FBXO11: variants seen among roughly 807,000 people sequenced by gnomAD.
FBXO11 encodes the protein F-box only protein 11.
Under a neutral mutation model 117.0 loss-of-function variants are expected in FBXO11, and 13 were observed. The observed-to-expected ratio is 0.11, with a 90% CI of 0.07 to 0.18. The LOEUF is 0.18. Ranked by LOEUF, FBXO11 falls within the 10% of genes least tolerant of loss-of-function variation. The pLI, the probability that FBXO11 is intolerant of heterozygous loss-of-function variation, is 1.00. For missense variants in FBXO11, 767 were observed against 1,164.4 expected, an observed-to-expected ratio of 0.66 and a Z score of 4.97; for synonymous variants, 490 against 380.5, an observed-to-expected ratio of 1.29 and a Z score of -3.35.
Position 47,905,671 on chromosome 2 carries a change from G to T in FBXO11, c.50C>A (p.Pro17Gln). 6.6e-7 allele frequency: 1 copy of T among 1,506,076 alleles called. No individual in the cohort carries two copies. The highest frequency in any genetic ancestry group is 8.9e-7 in the Non-Finnish European group (1 of 1,129,640). The allele number at this position is 1,506,076 out of a possible 1,614,324, so 93.3% of individuals were successfully genotyped here. ...ANRRPRRVSR[P>Q]RPVQQQQQQP... Reference sequence around the variant, plus strand: ...CTGCTGCTGTTGCTGCACCGGGCGCGGCCGCGACACTCGCCTGGGTCTCCG... The same window carrying T: ...CTGCTGCTGTTGCTGCACCGGGCGCTGCCGCGACACTCGCCTGGGTCTCCG... Residue 17 changes from proline (P) to glutamine (Q), a missense_variant, in exon 1 of 23, where the codon CCG becomes CAG. Transcript: ENST00000403359.
At chr2:47,819,189 C>G (rs1177103308) in intron 14 of FBXO11, 111 bp from the exon 15 acceptor site, 1 of 981,352 alleles carries the variant, frequency 1.0e-6, no homozygotes, top group African/African-American at 1.6e-5. Flanking sequence ...GTTTTTTCAT[C>G]CGAGTAAGGA....
intron 14 of FBXO11, among the ~76,000 whole-genome samples, chr2:47,819,865 T>C (rs959146431): frequency 2.6e-5 from 4 of 152,250 alleles, no homozygotes; most frequent in Admixed American, 2.6e-4. Flanking sequence ...TGAAATTTCC[T>C]ACATTTTCTT....
At chr2:47,835,597 A>G (rs1417309303) in intron 5 of FBXO11, among the ~76,000 whole-genome samples, 1 of 152,012 alleles carries the variant, frequency 6.6e-6, no homozygotes, top group African/African-American at 2.4e-5. Flanking sequence ...TCCTGGGTTC[A>G]AGTGATTCTC....
chr2:47,815,716 CAT>C lies in FBXO11; in HGVS notation c.2007-1851_2007-1850del, dbSNP rs367936787. 2.4e-3 allele frequency among the ~76,000 whole-genome samples: 359 copies of C among 152,286 alleles called. 2 individuals are homozygous for C. Among genetic ancestry groups the C allele is most frequent in the African/African-American group, 8.1e-3 (335 of 41,566 alleles). On this transcript the variant is annotated intron_variant, in intron 16 of 22. Coordinates refer to ENST00000403359, the MANE Select transcript of FBXO11 (RefSeq NM_001190274.2). ...GAAGAACCTCTTCAAAGCTGAAATT[CAT>C]AGAGTTCTTCAGCTGAGGGCGTAAG...
chr2:47,879,752 C>T (rs1392458313), intron 1 of FBXO11, among the ~76,000 whole-genome samples: 2 of 152,172 alleles, frequency 1.3e-5, no homozygotes, highest in African/African-American at 4.8e-5. Flanking sequence ...AACTCTATAT[C>T]CACTGAACAA....
chr2:47,882,465 C>G (rs1321735688), intron 1 of FBXO11, among the ~76,000 whole-genome samples: 4 of 152,148 alleles, frequency 2.6e-5, no homozygotes, highest in Non-Finnish European at 4.4e-5. Flanking sequence ...TTTTTAACCA[C>G]TTGTTCTACT....
intron 4 of FBXO11, among the ~76,000 whole-genome samples, chr2:47,837,690 A>G (rs964888190): frequency 1.3e-5 from 2 of 152,174 alleles, no homozygotes; most frequent in African/African-American, 2.4e-5. Flanking sequence ...TCTACAGATC[A>G]TTTATTATAG....
At chr2:47,851,756 T>C (rs866429012) in intron 1 of FBXO11, among the ~76,000 whole-genome samples, 1 of 152,228 alleles carries the variant, frequency 6.6e-6, no homozygotes, top group Non-Finnish European at 1.5e-5. Flanking sequence ...TCACATAATA[T>C]TTAGAAATTT....
intron 13 of FBXO11, among the ~76,000 whole-genome samples, chr2:47,820,903 C>G (rs532276143): frequency 3.3e-5 from 5 of 152,272 alleles, no homozygotes; most frequent in African/African-American, 1.2e-4. Flanking sequence ...TTAGAGTTAC[C>G]AGAAGCGAAA....
At chr2:47,886,273 G>A (rs890847665) in intron 1 of FBXO11, among the ~76,000 whole-genome samples, 13 of 152,074 alleles carry the variant, frequency 8.5e-5, no homozygotes, top group African/African-American at 1.9e-4. Context: ...TTGGGAGGCC[G>A]AGGCAGGCAG....
intron 1 of FBXO11, among the ~76,000 whole-genome samples, chr2:47,875,691 T>A (rs1376954443): frequency 6.6e-6 from 1 of 152,152 alleles, no homozygotes; most frequent in East Asian, 1.9e-4. Flanking sequence ...AATTTTCTCT[T>A]TGTTCTTTGG....
In FBXO11 at chr2:47,906,017, G is replaced by A. The variant is rs567383952; in HGVS notation, c.-297C>T. 2.0e-5 allele frequency: 6 copies of A among 303,278 alleles called. No homozygotes were observed. Among genetic ancestry groups the A allele is most frequent in the African/African-American group, 1.1e-4 (5 of 45,110 alleles). 18.8% of individuals were successfully genotyped at this position (303,278 alleles called of 1,614,324 possible). ...ACGAAGGCAGAAAGACGGGCAGACC[G>A]AGAGAAAGAAAGAAAGGGCGTCCGC... On this transcript the variant is annotated 5_prime_UTR_variant, in exon 1 of 23. Transcript: ENST00000403359.
rs1678716247 is a variant in FBXO11 at position 47,905,495 on chromosome 2, C to G, written c.226G>C (p.Glu76Gln). ...GGAGGTAGCGCGGCCTTACCCCGCT[C>G]GCCGACGTTGTTCCGCTCCTGAGGC... is the stretch of plus-strand genomic sequence containing the variant. ...PLPQERNNVG[E>Q]RDDDVPADMV... The change falls in exon 1 of 23, where the codon GAG becomes CAG. Residue 76 changes from glutamate (E) to glutamine (Q), a missense_variant. Transcript: ENST00000403359. 1 of 1,230,358 alleles carries G rather than the reference C, an allele frequency of 8.1e-7. No individual in the cohort carries two copies. Among genetic ancestry groups the G allele is most frequent in the Non-Finnish European group, 1.0e-6 (1 of 987,392 alleles). 76.2% of individuals were successfully genotyped at this position (1,230,358 alleles called of 1,614,324 possible).
intron 1 of FBXO11, among the ~76,000 whole-genome samples, chr2:47,902,774 T>C (rs922039780): frequency 1.3e-5 from 2 of 152,148 alleles, no homozygotes; most frequent in African/African-American, 4.8e-5. Flanking sequence ...ACAAATGATT[T>C]TATATACAGT....
Position 47,861,188 on chromosome 2 carries a change from G to A in FBXO11, c.233-21419C>T, listed in dbSNP as rs569976250. Reference sequence around the variant, plus strand: ...AAGTCTTAAACTGGGAAGTGTAGCCGTCCTCAAACTTAGTTGTACACTGTG... The same window carrying A: ...AAGTCTTAAACTGGGAAGTGTAGCCATCCTCAAACTTAGTTGTACACTGTG... On this transcript the variant is annotated intron_variant, in intron 1 of 22. Coordinates refer to ENST00000403359, the MANE Select transcript of FBXO11 (RefSeq NM_001190274.2). Among the ~76,000 whole-genome samples, 42 of 152,112 alleles carry A rather than the reference G, an allele frequency of 2.8e-4. No individual in the cohort carries two copies. The South Asian group carries it at 6.0e-3, about 22-fold the overall frequency.
intron 4 of FBXO11, chr2:47,836,909 A>G (rs952866182): frequency 2.8e-6 from 1 of 362,146 alleles, no homozygotes; most frequent in Admixed American, 3.6e-5. Context: ...TTATTTTTTG[A>G]TTTTTTTTTG....
At chr2:47,855,904 G>C (rs1221084478) in intron 1 of FBXO11, among the ~76,000 whole-genome samples, 1 of 151,036 alleles carries the variant, frequency 6.6e-6, no homozygotes, top group Non-Finnish European at 1.5e-5. Context: ...TGCCTGGTAA[G>C]ATATAGATGA....
chr2:47,828,464 T>A (rs1458017850), intron 11 of FBXO11, among the ~76,000 whole-genome samples: 1 of 152,110 alleles, frequency 6.6e-6, no homozygotes, highest in East Asian at 1.9e-4. Flanking sequence ...AAAAGTTAGC[T>A]GTGCGTGCTG....
At chr2:47,855,980 G>A (rs1208117698) in intron 1 of FBXO11, among the ~76,000 whole-genome samples, 1 of 152,150 alleles carries the variant, frequency 6.6e-6, no homozygotes, top group Admixed American at 6.6e-5. Context: ...GCATGGGGGT[G>A]CACACGTGCA....
Sources: allele counts gnomAD v4.1 joint callset (sites outside exome capture counted in the v4.1 genomes callset), GRCh38; gene constraint gnomAD v4.1.1; transcripts MANE v1.5; gene names NCBI Gene and HGNC (gene_info 2026-07-23, HGNC 2026-07-21).